The following PAX1 variants were observed in gnomAD, a reference collection of about 807,000 sequenced individuals.
The protein encoded by PAX1 is paired box 1.
PAX1 carries 18 observed loss-of-function variants against 35.6 expected under a neutral mutation model. The ratio of observed to expected loss-of-function variants is 0.50; its 90% confidence interval spans 0.35 to 0.75. The LOEUF is 0.75. PAX1 is among the 30% of genes least tolerant of loss of function. The pLI, the probability that PAX1 is intolerant of heterozygous loss-of-function variation, is 0.01. For missense variants in PAX1, 760 were observed against 661.5 expected, an observed-to-expected ratio of 1.15 and a Z score of -1.63; for synonymous variants, 397 against 305.2, an observed-to-expected ratio of 1.30 and a Z score of -3.14.
At position 21,706,642 on chromosome 20, in the gene PAX1, C is replaced by T; in HGVS notation, c.491C>T (p.Ala164Val). The T allele has an allele frequency of 6.2e-7, 1 of 1,612,158 alleles. No individual in the cohort carries two copies. Among genetic ancestry groups the T allele is most frequent in the Non-Finnish European group, 8.5e-7 (1 of 1,180,024 alleles). Reference protein sequence around the residue: ...YNETGSILPGAIGGSKPRVTT... With the variant: ...YNETGSILPGVIGGSKPRVTT... ...GAGACCGGCTCCATTCTGCCCGGGG[C>T]CATCGGGGGGAGCAAGCCCCGCGTC... Residue 164 changes from alanine (A) to valine (V), a missense_variant, in exon 2 of 5, where the codon GCC (alanine) becomes GTC (valine). By Grantham distance (64) the Ala-to-Val change is moderately conservative. This residue lies in a region of PAX1 where 490 missense variants were observed against 428.4 expected (regional missense o/e 1.14). Coordinates refer to ENST00000613128, the MANE Select transcript of PAX1 (RefSeq NM_001257096.2). The surrounding 1 kb of genome is among the most constrained non-coding windows in gnomAD (Gnocchi z 5.3).
intron 4 of PAX1, among the ~76,000 whole-genome samples, chr20:21,710,705 G>A (rs922183664): frequency 1.3e-5 from 2 of 151,756 alleles, no homozygotes; most frequent in Non-Finnish European, 2.9e-5. Context: ...GTGGGGTGGG[G>A]GGCAGGAAGG....
At chr20:21,708,211 T>C (rs568268845) in intron 2 of PAX1, 5 of 452,574 alleles carry the variant, frequency 1.1e-5, no homozygotes, top group African/African-American at 7.9e-5. Context: ...ACAATTTTCA[T>C]GAGGTTGCTG....
intron 3 of PAX1, 125 bp downstream of exon 3, chr20:21,708,825 C>A: frequency 1.0e-6 from 1 of 981,604 alleles, no homozygotes. Flanking sequence ...ATCTGGCAGC[C>A]GGCTAGCAAG....
intron 4 of PAX1, among the ~76,000 whole-genome samples, chr20:21,711,169 GA>G (rs1357181008): frequency 7.2e-5 from 11 of 152,210 alleles, no homozygotes; most frequent in African/African-American, 2.7e-4. Context: ...TATAACCACA[GA>G]TTTGAAATAT....
intron 4 of PAX1, among the ~76,000 whole-genome samples, chr20:21,712,608 T>C (rs1392925724): frequency 6.6e-6 from 1 of 152,218 alleles, no homozygotes; most frequent in African/African-American, 2.4e-5. Flanking sequence ...CTGGAATGAC[T>C]AAAGATTTGG....
chr20:21,713,366 G>A (rs972891644), intron 4 of PAX1, among the ~76,000 whole-genome samples: 1 of 144,564 alleles, frequency 6.9e-6, no homozygotes, highest in African/African-American at 2.7e-5. Context: ...ACGAAACCGT[G>A]TGTTTTCTTT....
At chr20:21,710,857 T>G (rs1568696625) in intron 4 of PAX1, among the ~76,000 whole-genome samples, 1 of 152,212 alleles carries the variant, frequency 6.6e-6, no homozygotes. Context: ...TAAGGAAAAT[T>G]TATAAAAATT....
intron 4 of PAX1, 95 bp downstream of exon 4, chr20:21,709,539 G>GGGAAGA (rs1753086234): frequency 1.1e-6 from 1 of 918,300 alleles, no homozygotes; most frequent in Non-Finnish European, 1.6e-6. Flanking sequence ...AGAGCGGGTG[G>GGGAAGA]GGAAGAGGTG....
chr20:21,711,136 C>T (rs1403826209), intron 4 of PAX1, among the ~76,000 whole-genome samples: 2 of 152,182 alleles, frequency 1.3e-5, no homozygotes, highest in African/African-American at 4.8e-5. Context: ...CTTAAATAAG[C>T]AGGTTCTTTT....
intron 4 of PAX1, among the ~76,000 whole-genome samples, chr20:21,710,176 A>T (rs971117062): frequency 6.6e-6 from 1 of 151,920 alleles, no homozygotes; most frequent in Non-Finnish European, 1.5e-5. Flanking sequence ...TTCCTTTTCC[A>T]TAAGTCCACT....
rs578192891 is a variant in PAX1 at position 21,709,128 on chromosome 20, G to T, written c.1060-94G>T. 17 of 964,540 alleles carry T rather than the reference G, an allele frequency of 1.8e-5. No individual in the cohort carries two copies. In the East Asian group the frequency reaches 4.0e-4, roughly 23 times the overall value. The allele number at this position is 964,540 out of a possible 1,614,324, so 59.7% of individuals were successfully genotyped here. On this transcript the variant is annotated intron_variant, in intron 3 of 4. Coordinates refer to ENST00000613128, the MANE Select transcript of PAX1 (RefSeq NM_001257096.2). ...TAATGGATGGGCACAGGACGTGGGG[G>T]AGCGATAATGGACGAAAACCCCCGT... is the stretch of plus-strand genomic sequence containing the variant.
rs990807582 is a variant in PAX1 at position 21,717,791 on chromosome 20, A to G, written c.*3229A>G. 2.0e-5 allele frequency: 3 copies of G among 152,220 alleles called. No individual in the cohort carries two copies. Among genetic ancestry groups the G allele is most frequent in the African/African-American group, 7.2e-5 (3 of 41,456 alleles). 9.4% of individuals were successfully genotyped at this position (152,220 alleles called of 1,614,324 possible). A position where few individuals can be genotyped will look rare whatever the true frequency, so the allele number is the denominator to read the frequency against. ...GATTTTTTGAAAGAATAGAAATAAT[A>G]TATGCGTATCACTAAAAAACTCAAG... On this transcript the variant is annotated 3_prime_UTR_variant, in exon 5 of 5. Coordinates refer to ENST00000613128, the MANE Select transcript of PAX1 (RefSeq NM_001257096.2).
chr20:21,708,914 T>C (rs1428545413), intron 3 of PAX1, among the ~76,000 whole-genome samples: 1 of 152,198 alleles, frequency 6.6e-6, no homozygotes, highest in Admixed American at 6.5e-5. Context: ...TTTGCCAAGA[T>C]AGCTTAGCTA....
In PAX1 at chr20:21,714,718, C is replaced by T. The variant is rs138641387; in HGVS notation, c.*156C>T. 3.8e-3 allele frequency: 6,069 copies of T among 1,605,734 alleles called. 36 individuals carry two copies. Among genetic ancestry groups the T allele is most frequent in the South Asian group, 0.016 (1,488 of 91,070 alleles). On this transcript the variant is annotated 3_prime_UTR_variant, in exon 5 of 5. Transcript: ENST00000613128. ...CCGCGGGGTGCACGCCCAGCCAGCC[C>T]CCAGGCCCAGCCCTGCCTCTGGCCG...
intron 3 of PAX1, 88 bp from the exon 4 acceptor site, chr20:21,709,134 T>A (rs1013136951): frequency 2.0e-6 from 2 of 1,021,614 alleles, no homozygotes; most frequent in Non-Finnish European, 3.1e-6. Context: ...GGGGGAGCGA[T>A]AATGGACGAA....
In PAX1 at chr20:21,708,544, T is replaced by C. The variant is rs765840363; in HGVS notation, c.917-14T>C. 1.9e-6 allele frequency: 3 copies of C among 1,613,204 alleles called. No individual in the cohort carries two copies. Among genetic ancestry groups the C allele is most frequent in the Non-Finnish European group, 1.7e-6 (2 of 1,179,974 alleles). On this transcript the variant is annotated splice_polypyrimidine_tract_variant and intron_variant, in intron 2 of 4. Coordinates refer to ENST00000613128, the MANE Select transcript of PAX1 (RefSeq NM_001257096.2). ...TTCGGAGGCACCTTTTAATCCGTCC[T>C]CTCTCTCCTGCAGGGGCCCTGGCTG...
chr20:21,712,508 A>G (rs1250921395), intron 4 of PAX1, among the ~76,000 whole-genome samples: 2 of 152,106 alleles, frequency 1.3e-5, no homozygotes, highest in Admixed American at 1.3e-4. Flanking sequence ...GACAGACACC[A>G]CCAGATGCTC....
intron 2 of PAX1, 77 bp downstream of exon 2, chr20:21,707,144 C>T (rs1207041008): frequency 6.4e-7 from 1 of 1,552,688 alleles, no homozygotes; most frequent in Non-Finnish European, 8.8e-7. Flanking sequence ...AGAGGACTCA[C>T]ACTCGCTCTC....
At chr20:21,714,411 T>C in intron 4 of PAX1, 60 bp from the exon 5 acceptor site, 1 of 1,292,612 alleles carries the variant, frequency 7.7e-7, no homozygotes, top group Non-Finnish European at 1.1e-6. Flanking sequence ...TGAGTCCCAG[T>C]GCCTCTCGCA....
Sources: gnomAD v4.1 joint callset for allele counts (sites outside exome capture counted in the v4.1 genomes callset) on GRCh38, gnomAD v4.1.1 for gene constraint, gnomAD v4.1.1 regional missense constraint, Gnocchi (gnomAD v3.1) non-coding constraint, MANE v1.5 for transcripts, NCBI Gene and HGNC (gene_info 2026-07-23, HGNC 2026-07-21) for gene names.